Variants in CYREN observed in about 807,000 individuals in gnomAD.
CYREN encodes cell cycle regulator of NHEJ.
A neutral mutation model predicts 9.7 loss-of-function variants in CYREN; 7 were observed. The observed-to-expected ratio is 0.72, with a 90% CI of 0.41 to 1.36. CYREN has a LOEUF of 1.36. CYREN is among the 40% of genes most tolerant of loss of function. CYREN has a pLI of 0.01. For synonymous variants in CYREN, 76 were observed against 77.9 expected, an observed-to-expected ratio of 0.98 and a Z score of 0.13; for missense variants, 215 against 198.1, an observed-to-expected ratio of 1.09 and a Z score of -0.51.
chr7:135,171,217 G>A (rs186596250), upstream of CYREN, among the ~76,000 whole-genome samples: 6 of 152,262 alleles, frequency 3.9e-5, no homozygotes, highest in East Asian at 9.7e-4. Context: ...ATGAATTGCT[G>A]TATTAACCAA....
downstream of CYREN, chr7:135,092,309 T>C (rs1821968846): frequency 6.6e-6 from 1 of 152,218 alleles, no homozygotes; most frequent in Non-Finnish European, 1.5e-5. Flanking sequence ...AATCTGAACA[T>C]TCATTGGTAT....
intron 2 of CYREN, chr7:135,101,189 T>C (rs911607082): frequency 4.4e-6 from 2 of 456,268 alleles, no homozygotes; most frequent in Non-Finnish European, 8.8e-6. Flanking sequence ...CTGATTTGTA[T>C]GGAAACTGTT....
At chr7:135,165,240 A>C, downstream of CYREN, 2 of 464,576 alleles carry the variant, frequency 4.3e-6, no homozygotes, top group South Asian at 4.7e-5. Flanking sequence ...GACTCCCTAA[A>C]CCATGCAGCT....
At chr7:135,098,920 G>C (rs1418167882) in intron 2 of CYREN, among the ~76,000 whole-genome samples, 1 of 152,026 alleles carries the variant, frequency 6.6e-6, no homozygotes, top group African/African-American at 2.4e-5. Context: ...CCACTAAAGA[G>C]CTAAAATGTG....
intron 2 of CYREN, among the ~76,000 whole-genome samples, chr7:135,096,775 GAA>G (rs1554516788): frequency 6.7e-6 from 1 of 148,540 alleles, no homozygotes; most frequent in African/African-American, 2.5e-5. Flanking sequence ...AAGAAAGAAA[GAA>G]AGAAAGAAAG....
rs562979937 is a variant in CYREN at position 135,128,724 on chromosome 7, A to T, written n.357-34142T>A. 2.2e-6 allele frequency: 3 copies of T among 1,378,396 alleles called. No homozygotes were observed. The East Asian group carries it at 6.9e-5, about 32-fold the overall frequency. The allele number at this position is 1,378,396 out of a possible 1,614,324, so 85.4% of individuals were successfully genotyped here. On this transcript the variant is annotated intron_variant and non_coding_transcript_variant, in intron 2 of 2. Transcript: ENST00000459937. ...GCTCAAGATTGATTCTCAGAAAAAA[A>T]GTGCAGAGAAGGACAGCTCAAGCCT...
intron 2 of CYREN, among the ~76,000 whole-genome samples, chr7:135,104,641 T>A (rs918464546): frequency 6.6e-6 from 1 of 152,240 alleles, no homozygotes. Context: ...TGAGATGGTA[T>A]CTCATTGTGG....
chr7:135,096,509 C>CAA (rs1229064145), intron 2 of CYREN, among the ~76,000 whole-genome samples: 7 of 121,760 alleles, frequency 5.7e-5, no homozygotes, highest in African/African-American at 2.1e-4. Flanking sequence ...AGAACATCAC[C>CAA]AAAAAAGAAA....
intron 2 of CYREN, chr7:135,128,463 T>A (rs1481542851): frequency 1.3e-6 from 1 of 746,160 alleles, no homozygotes; most frequent in African/African-American, 1.7e-5. Flanking sequence ...ACCAAGAAGC[T>A]CAAGAGGATG....
downstream of CYREN, among the ~76,000 whole-genome samples, chr7:135,162,060 C>T (rs527539583): frequency 6.6e-6 from 1 of 152,346 alleles, no homozygotes; most frequent in South Asian, 2.1e-4. Context: ...TCATTTTTGG[C>T]ATACACCTAG....
At chr7:135,155,218 A>T (rs1485563295) in intron 2 of CYREN, among the ~76,000 whole-genome samples, 2 of 152,038 alleles carry the variant, frequency 1.3e-5, no homozygotes, top group East Asian at 3.9e-4. Context: ...TTTTCAGTCT[A>T]TATGTCTTTA....
intron 2 of CYREN, among the ~76,000 whole-genome samples, chr7:135,138,433 A>C (rs1363770607): frequency 6.6e-6 from 1 of 152,056 alleles, no homozygotes; most frequent in Non-Finnish European, 1.5e-5. Context: ...CCTGTTACAA[A>C]ATACTTGTAC....
At chr7:135,129,099 CAGGTCA>C (rs1206906951) in intron 2 of CYREN, 2 of 1,584,746 alleles carry the variant, frequency 1.3e-6, no homozygotes, top group Non-Finnish European at 1.7e-6. Flanking sequence ...CACTACTGGT[CAGGTCA>C]AAGAGCTAGT....
chr7:135,141,848 T>C (rs570069381), intron 2 of CYREN, among the ~76,000 whole-genome samples: 1 of 152,298 alleles, frequency 6.6e-6, no homozygotes, highest in East Asian at 1.9e-4. Flanking sequence ...TTCTATGTAA[T>C]TGTATGGTTT....
chr7:135,117,517 G>T (rs994401178), intron 2 of CYREN, among the ~76,000 whole-genome samples: 1 of 152,122 alleles, frequency 6.6e-6, no homozygotes, highest in Non-Finnish European at 1.5e-5. Context: ...CTCATTCTTT[G>T]CTTATTCTCA....
At chr7:135,142,666 T>C (rs1396350889) in intron 2 of CYREN, among the ~76,000 whole-genome samples, 1 of 152,094 alleles carries the variant, frequency 6.6e-6, no homozygotes, top group Non-Finnish European at 1.5e-5. Flanking sequence ...GTCAATTGCC[T>C]CCTTATATGC....
chr7:135,170,750 G>A (rs948030461), upstream of CYREN: 23 of 152,416 alleles, frequency 1.5e-4, no homozygotes, highest in African/African-American at 4.8e-4. Context: ...GGGGTCCCGC[G>A]GGCTCCCGGC....
chr7:135,147,893 C>A, intron 2 of CYREN: 1 of 456,072 alleles, frequency 2.2e-6, no homozygotes, highest in Non-Finnish European at 4.4e-6. Flanking sequence ...AGACATTTAC[C>A]TGGCTCTTTA....
At chr7:135,164,879 C>T (rs151231260), downstream of CYREN, 286 of 1,614,204 alleles carry the variant, frequency 1.8e-4, 2 homozygotes, top group East Asian at 6.3e-3. Flanking sequence ...GGCTCTCCCT[C>T]CCGGGGCCTG....
Sources: gnomAD v4.1 joint callset for allele counts (sites outside exome capture counted in the v4.1 genomes callset) on GRCh38, gnomAD v4.1.1 for gene constraint, MANE v1.5 for transcripts, NCBI Gene and HGNC (gene_info 2026-07-23, HGNC 2026-07-21) for gene names.